The following TMEM232 variants were observed in gnomAD, a reference collection of about 807,000 sequenced individuals.
TMEM232 encodes the protein transmembrane protein 232.
TMEM232 carries 80 observed loss-of-function variants against 78.8 expected under a neutral mutation model. That is an observed-to-expected ratio of 1.01 (90% CI 0.85 to 1.22). The LOEUF is 1.22. Ranked by LOEUF, TMEM232 falls within the 50% of genes most tolerant of loss-of-function variation. The pLI is 0.00. For missense variants in TMEM232, 881 were observed against 742.2 expected (o/e 1.19, Z -2.17); for synonymous variants, 297 against 254.3 (o/e 1.17, Z -1.60).
chr5:110,644,331 G>C, intron 2 of TMEM232, among the ~76,000 whole-genome samples: 1 of 151,842 alleles, frequency 6.6e-6, no homozygotes, highest in Non-Finnish European at 1.5e-5. Flanking sequence ...GAGTTTGGAA[G>C]TTAAAAAAGC....
At chr5:110,728,948 G>A (rs1277446066), upstream of TMEM232, among the ~76,000 whole-genome samples, 3 of 151,100 alleles carry the variant, frequency 2.0e-5, no homozygotes, top group East Asian at 2.0e-4. Flanking sequence ...GCAATGGAGC[G>A]ATCTCAGCTC....
In TMEM232 at chr5:110,609,253, A is replaced by G. The variant is rs376716323; in HGVS notation, c.903-2966T>C. ...CATGATCCCGAAAACAGAAAGAGAC[A>G]TCACTAATAATAGCAACTTAAAGGG... On this transcript the variant is annotated intron_variant, in intron 8 of 13. Transcript: ENST00000455884. Among the ~76,000 whole-genome samples, 46 of 152,206 alleles carry G rather than the reference A, an allele frequency of 3.0e-4. 1 individual carries two copies. The South Asian group carries it at 9.3e-3, about 31-fold the overall frequency.
chr5:110,661,423 C>A (rs1170958530), intron 2 of TMEM232, among the ~76,000 whole-genome samples: 1 of 152,074 alleles, frequency 6.6e-6, no homozygotes, highest in Non-Finnish European at 1.5e-5. Flanking sequence ...GTAACCCCCC[C>A]CACCTCATCT....
intron 12 of TMEM232, among the ~76,000 whole-genome samples, chr5:110,443,238 A>G (rs879918925): frequency 1.3e-5 from 2 of 151,862 alleles, no homozygotes; most frequent in African/African-American, 4.8e-5. Context: ...GCAGCAAAAA[A>G]CCTTAGAAGT....
intron 2 of TMEM232, among the ~76,000 whole-genome samples, chr5:110,398,944 A>G (rs888517462): frequency 1.3e-5 from 2 of 152,136 alleles, no homozygotes; most frequent in African/African-American, 4.8e-5. Flanking sequence ...AAGTAGCAGC[A>G]TCTTTGGGGC....
At chr5:110,638,476 T>C (rs757452129) in intron 4 of TMEM232, 121 bp from the exon 5 acceptor site, 451 of 986,336 alleles carry the variant, frequency 4.6e-4, no homozygotes, top group Non-Finnish European at 6.2e-4. Context: ...TTAAAATATA[T>C]TTACAAATTC....
intron 12 of TMEM232, among the ~76,000 whole-genome samples, chr5:110,429,317 G>T (rs1460843415): frequency 6.6e-6 from 1 of 151,776 alleles, no homozygotes; most frequent in Non-Finnish European, 1.5e-5. Context: ...TTCATGAAAA[G>T]ATACATATAG....
intron 11 of TMEM232, among the ~76,000 whole-genome samples, chr5:110,551,645 A>G (rs1774477772): frequency 6.6e-6 from 1 of 152,222 alleles, no homozygotes; most frequent in Non-Finnish European, 1.5e-5. Flanking sequence ...AACCCACAGT[A>G]TTCACATACC....
intron 12 of TMEM232, among the ~76,000 whole-genome samples, chr5:110,520,639 G>T (rs1769364178): frequency 6.6e-6 from 1 of 152,122 alleles, no homozygotes; most frequent in Non-Finnish European, 1.5e-5. Context: ...ATAATAATGG[G>T]CTGGGCATGG....
chr5:110,673,568 A>AT (rs896050613), intron 1 of TMEM232, among the ~76,000 whole-genome samples: 1 of 152,072 alleles, frequency 6.6e-6, no homozygotes, highest in Non-Finnish European at 1.5e-5. Context: ...ATGTAAAAAC[A>AT]TTTTTCCACT....
At chr5:110,492,689 T>C (rs188615528) in intron 12 of TMEM232, among the ~76,000 whole-genome samples, 2 of 152,086 alleles carry the variant, frequency 1.3e-5, no homozygotes, top group Admixed American at 1.3e-4. Context: ...ATGCTCTAAA[T>C]ATTTGAAAGG....
intron 1 of TMEM232, among the ~76,000 whole-genome samples, chr5:110,705,390 G>T (rs1340192848): frequency 6.6e-6 from 1 of 151,996 alleles, no homozygotes; most frequent in Non-Finnish European, 1.5e-5. Context: ...CTAAATAGAA[G>T]GAATACTCTT....
At chr5:110,485,249 G>GT (rs1321836679) in intron 12 of TMEM232, among the ~76,000 whole-genome samples, 1 of 152,068 alleles carries the variant, frequency 6.6e-6, no homozygotes, top group Non-Finnish European at 1.5e-5. Context: ...CCTACTAGGC[G>GT]TAAGTAACAA....
At chr5:110,608,475 CAT>C (rs1580346007) in intron 8 of TMEM232, among the ~76,000 whole-genome samples, 1 of 151,732 alleles carries the variant, frequency 6.6e-6, no homozygotes, top group African/African-American at 2.4e-5. Context: ...AGAGGATACT[CAT>C]AGAGTTCGTA....
intron 12 of TMEM232, among the ~76,000 whole-genome samples, chr5:110,434,717 C>G (rs1758233616): frequency 6.6e-6 from 1 of 152,080 alleles, no homozygotes; most frequent in South Asian, 2.1e-4. Flanking sequence ...AAAATACTAG[C>G]AAACCAAATG....
rs530574068 is a variant in TMEM232, at chr5:110,484,029, G to A, written c.1703+44559C>T. On this transcript the variant is annotated intron_variant, in intron 12 of 13. Coordinates refer to ENST00000455884, the MANE Select transcript of TMEM232 (RefSeq NM_001039763.4). ...CTGCAGCAACATGGATGCAGCTGGA[G>A]GCCATCATTCTAAGTGAATTAACAT... Among the ~76,000 whole-genome samples the A allele has an allele frequency of 5.3e-5, 8 of 152,254 alleles. No individual in the cohort carries two copies. The South Asian group carries it at 1.7e-3, about 32-fold the overall frequency.
intron 12 of TMEM232, among the ~76,000 whole-genome samples, chr5:110,507,036 G>A (rs1028002000): frequency 3.3e-5 from 5 of 152,030 alleles, no homozygotes; most frequent in Admixed American, 3.3e-4. Context: ...CTGAGCCAGG[G>A]GTGTAAGAAT....
intron 12 of TMEM232, among the ~76,000 whole-genome samples, chr5:110,504,866 C>G (rs574667678): frequency 3.3e-5 from 5 of 152,358 alleles, no homozygotes; most frequent in African/African-American, 1.2e-4. Flanking sequence ...TGACCAAATA[C>G]TTGTATGCCC....
In TMEM232 at chr5:110,700,132, G is replaced by C. The variant is rs184248585; in HGVS notation, c.-13+26495C>G. On this transcript the variant is annotated intron_variant, in intron 1 of 13. Transcript: ENST00000455884. Reference sequence around the variant, plus strand: ...GGCCCAAGAACCAGTAAATTGTTTCGCACAAATAATTCCCCAGGTATTTTC... The same window carrying C: ...GGCCCAAGAACCAGTAAATTGTTTCCCACAAATAATTCCCCAGGTATTTTC... 3.8e-4 allele frequency among the ~76,000 whole-genome samples: 58 copies of C among 152,118 alleles called. 1 individual carries two copies. The highest frequency in any genetic ancestry group is 3.4e-3 in the Middle Eastern group (1 of 294).
Sources: allele counts gnomAD v4.1 joint callset (sites outside exome capture counted in the v4.1 genomes callset), GRCh38; gene constraint gnomAD v4.1.1; transcripts MANE v1.5; gene names NCBI Gene and HGNC (gene_info 2026-07-23, HGNC 2026-07-21).